Variants in COL14A1 observed in about 807,000 individuals in gnomAD.
COL14A1 encodes the protein collagen alpha-1(XIV) chain.
Under a neutral mutation model 230.3 loss-of-function variants are expected in COL14A1, and 136 were observed. The observed-to-expected ratio is 0.59, with a 90% CI of 0.51 to 0.68. The LOEUF (loss-of-function observed/expected upper bound fraction) is 0.68. Among genes scored for constraint, COL14A1 ranks in the 30% least tolerant of loss-of-function variants. The pLI, the probability that COL14A1 is intolerant of heterozygous loss-of-function variation, is 0.00. For synonymous variants in COL14A1, 792 were observed against 784.1 expected (o/e 1.01, Z -0.17); for missense variants, 1,976 against 2,215.8 (o/e 0.89, Z 2.17).
intron 26 of COL14A1, among the ~76,000 whole-genome samples, chr8:120,275,713 C>G (rs1045225174): frequency 6.6e-6 from 1 of 151,636 alleles, no homozygotes; most frequent in African/African-American, 2.4e-5. Context: ...ACAAATGGCC[C>G]ACAAACATAT....
intron 34 of COL14A1, among the ~76,000 whole-genome samples, chr8:120,292,476 G>A (rs990874096): frequency 2.0e-5 from 3 of 152,090 alleles, no homozygotes; most frequent in Non-Finnish European, 4.4e-5. Context: ...TGAAGAATTT[G>A]ATTATGTTGA....
chr8:120,290,676 A>C (rs1021263907), intron 34 of COL14A1, among the ~76,000 whole-genome samples: 1 of 152,224 alleles, frequency 6.6e-6, no homozygotes, highest in Non-Finnish European at 1.5e-5. Flanking sequence ...GTAAAAATGA[A>C]ATCCTATACT....
At chr8:120,281,226 T>A (rs1482063761) in intron 31 of COL14A1, among the ~76,000 whole-genome samples, 167 bp downstream of exon 31, 1 of 152,124 alleles carries the variant, frequency 6.6e-6, no homozygotes, top group African/African-American at 2.4e-5. Context: ...GACTCACACA[T>A]AATGCGGGTT....
At chr8:120,221,665 A>T (rs1245244221) in intron 14 of COL14A1, among the ~76,000 whole-genome samples, 1 of 151,980 alleles carries the variant, frequency 6.6e-6, no homozygotes, top group Non-Finnish European at 1.5e-5. Flanking sequence ...TGTATATTTG[A>T]TATCTTTGCA....
Position 120,178,600 on chromosome 8 carries a change from G to C in COL14A1, c.436+10353G>C, listed in dbSNP as rs191269882. On this transcript the variant is annotated intron_variant, in intron 5 of 47. Transcript: ENST00000297848. The stretch of plus-strand genomic sequence containing the variant: ...GCTTTGGGTATATACCCAGTAGTAG[G>C]ATTGCTGGGTCAAATGGTATTTCTA... 2.0e-5 allele frequency among the ~76,000 whole-genome samples: 3 copies of C among 152,264 alleles called. No individual in the cohort carries two copies. In the East Asian group the frequency reaches 5.8e-4, roughly 29 times the overall value.
chr8:120,204,624 C>T (rs1817371408), intron 9 of COL14A1, among the ~76,000 whole-genome samples: 1 of 152,184 alleles, frequency 6.6e-6, no homozygotes, highest in Non-Finnish European at 1.5e-5. Context: ...AATCAAGCTG[C>T]TGTGAATGTT....
At chr8:120,238,861 G>T (rs1818532473) in intron 19 of COL14A1, among the ~76,000 whole-genome samples, 1 of 152,136 alleles carries the variant, frequency 6.6e-6, no homozygotes, top group Non-Finnish European at 1.5e-5. Context: ...CTAGGGGAGG[G>T]AGTTCCCCAA....
chr8:120,245,618 G>A (rs186282708), intron 20 of COL14A1, among the ~76,000 whole-genome samples: 20 of 152,256 alleles, frequency 1.3e-4, no homozygotes, highest in African/African-American at 4.6e-4. Context: ...GGCAGGACTT[G>A]CTGGGAAAGT....
intron 45 of COL14A1, among the ~76,000 whole-genome samples, chr8:120,354,987 A>G (rs756061763): frequency 6.6e-6 from 1 of 152,158 alleles, no homozygotes; most frequent in Non-Finnish European, 1.5e-5. Context: ...CTTCATGTAA[A>G]TGGTTCTGTA....
chr8:120,170,329 T>G (rs933779702), intron 5 of COL14A1, among the ~76,000 whole-genome samples: 6 of 152,076 alleles, frequency 3.9e-5, no homozygotes, highest in African/African-American at 1.4e-4. Flanking sequence ...TCACATAGAT[T>G]TTGATATGTA....
At chr8:120,281,278 A>G (rs947688574) in intron 31 of COL14A1, among the ~76,000 whole-genome samples, 6 of 152,096 alleles carry the variant, frequency 3.9e-5, no homozygotes, top group Admixed American at 1.3e-4. Flanking sequence ...TATAAAAATG[A>G]TTGCTGGATG....
At chr8:120,151,917 T>A (rs1586719478) in intron 2 of COL14A1, among the ~76,000 whole-genome samples, 1 of 151,954 alleles carries the variant, frequency 6.6e-6, no homozygotes, top group African/African-American at 2.4e-5. Flanking sequence ...CTTGGCTGGG[T>A]ACTGCTGGCT....
intron 45 of COL14A1, among the ~76,000 whole-genome samples, chr8:120,360,577 T>TTA: frequency 6.6e-6 from 1 of 152,252 alleles, no homozygotes; most frequent in East Asian, 1.9e-4. Flanking sequence ...TAATGCCTGT[T>TTA]CTTCAAGACG....
intron 21 of COL14A1, among the ~76,000 whole-genome samples, chr8:120,249,550 T>A (rs1281854417): frequency 2.0e-5 from 3 of 152,206 alleles, no homozygotes; most frequent in Non-Finnish European, 4.4e-5. Flanking sequence ...TCAGGCTTTC[T>A]AAGCACAAAA....
chr8:120,200,233 C>T (rs2130722794), intron 8 of COL14A1, among the ~76,000 whole-genome samples: 1 of 152,040 alleles, frequency 6.6e-6, no homozygotes, highest in Non-Finnish European at 1.5e-5. Context: ...AAACACAAAC[C>T]AAAATATAAC....
intron 9 of COL14A1, 90 bp downstream of exon 9, chr8:120,203,960 G>T: frequency 7.2e-7 from 1 of 1,390,036 alleles, no homozygotes. Flanking sequence ...CATTTTTCAT[G>T]TTGGCTTTTT....
chr8:120,161,421 A>G (rs1815662545), intron 3 of COL14A1, among the ~76,000 whole-genome samples: 1 of 152,232 alleles, frequency 6.6e-6, no homozygotes, highest in Non-Finnish European at 1.5e-5. Flanking sequence ...AGCACTTTCA[A>G]GAAAGCCTTA....
chr8:120,158,145 G>A lies in COL14A1; in HGVS notation c.104G>A (p.Arg35Lys), dbSNP rs1475170135. The A allele has an allele frequency of 5.7e-6, 9 of 1,581,808 alleles. No homozygotes were observed. Among genetic ancestry groups the A allele is most frequent in the Middle Eastern group, 1.7e-4 (1 of 6,014 alleles). The change falls in exon 3 of 48, where the codon AGG (arginine) becomes AAG (lysine). Residue 35 changes from arginine (R) to lysine (K), a missense_variant. Physicochemically the swap from Arg to Lys is conservative, Grantham distance 26. Around this residue, in one of 3 missense-constraint regions of COL14A1, gnomAD observed 181 missense variants for 178.6 expected, o/e 1.01. Coordinates refer to ENST00000297848, the MANE Select transcript of COL14A1 (RefSeq NM_021110.4). ...IVQGQVAPPTRLRYNVISHDS... is the reference protein window; with the variant it reads ...IVQGQVAPPTKLRYNVISHDS... ...TCCTTTTCAGTGGCTCCACCCACAA[G>A]GTTAAGATATAATGTAATATCTCAT...
At chr8:120,317,630 G>A (rs746839439) in intron 40 of COL14A1, among the ~76,000 whole-genome samples, 8 of 152,156 alleles carry the variant, frequency 5.3e-5, no homozygotes, top group South Asian at 4.1e-4. Context: ...GATTTAGTTC[G>A]GTGAGTTTAT....
Sources: gnomAD v4.1 joint callset for allele counts (sites outside exome capture counted in the v4.1 genomes callset) on GRCh38, gnomAD v4.1.1 for gene constraint, gnomAD v4.1.1 regional missense constraint, MANE v1.5 for transcripts, NCBI Gene and HGNC (gene_info 2026-07-23, HGNC 2026-07-21) for gene names.